GABRR3: variants seen among roughly 807,000 people sequenced by gnomAD.
GABRR3 encodes gamma-aminobutyric acid type A receptor subunit rho3.
A neutral mutation model predicts 43.2 loss-of-function variants in GABRR3; 29 were observed. The ratio of observed to expected loss-of-function variants is 0.67; its 90% CI spans 0.50 to 0.92. The LOEUF (loss-of-function observed/expected upper bound fraction) is 0.92. GABRR3 is among the 40% of genes least tolerant of loss of function. GABRR3 has a pLI of 0.00. For missense variants in GABRR3, 576 were observed against 572.3 expected (o/e 1.01, Z -0.07); for synonymous variants, 206 against 195.9 (o/e 1.05, Z -0.43).
intron 9 of GABRR3, among the ~76,000 whole-genome samples, chr3:97,987,552 TAGAG>T (rs999533942): frequency 2.6e-5 from 4 of 152,116 alleles, no homozygotes; most frequent in South Asian, 2.1e-4. Flanking sequence ...AATGAACAAA[TAGAG>T]AGAGGCTACT....
chr3:98,008,849 T>C (rs574374405), intron 6 of GABRR3, 107 bp downstream of exon 6: 25 of 429,840 alleles, frequency 5.8e-5, no homozygotes, highest in African/African-American at 5.3e-4. Context: ...TTTGGATAAA[T>C]ATATCAGTAT....
intron 2 of GABRR3, among the ~76,000 whole-genome samples, chr3:98,030,001 T>C (rs542348090): frequency 1.7e-4 from 25 of 151,204 alleles, no homozygotes; most frequent in South Asian, 2.1e-4. Context: ...TGTAATTTCA[T>C]CTACTCAGGA....
rs966055847 is a variant in GABRR3 at position 98,012,747 on chromosome 3, C to T, written c.307-180G>A. On this transcript the variant is annotated intron_variant, in intron 4 of 9. Transcript: ENST00000621172. ...AAGGAGGTTATGCTTTGAGCTTCTC[C>T]TTCACATGGAGCCTAGTGAACGTTG... is the stretch of plus-strand genomic sequence containing the variant. Among the ~76,000 whole-genome samples, 8 of 152,030 alleles carry T rather than the reference C, an allele frequency of 5.3e-5. No homozygotes were observed. The East Asian group carries it at 1.5e-3, about 29-fold the overall frequency.
At chr3:97,995,005 T>G (rs1706516705) in intron 8 of GABRR3, among the ~76,000 whole-genome samples, 1 of 151,284 alleles carries the variant, frequency 6.6e-6, no homozygotes, top group East Asian at 1.9e-4. Context: ...TGAGATGGAG[T>G]TTTGCTCTTG....
chr3:98,008,633 GAA>G (rs1295605621), intron 6 of GABRR3, among the ~76,000 whole-genome samples: 1 of 152,140 alleles, frequency 6.6e-6, no homozygotes, highest in Non-Finnish European at 1.5e-5. Context: ...TCCAAATGTA[GAA>G]AGTCTGTGTC....
At chr3:98,007,423 T>C (rs1423853610) in intron 7 of GABRR3, among the ~76,000 whole-genome samples, 3 of 152,094 alleles carry the variant, frequency 2.0e-5, no homozygotes, top group Non-Finnish European at 2.9e-5. Flanking sequence ...ACTGATCACG[T>C]TGAGAAACTT....
At chr3:97,988,157 G>A (rs755197275) in intron 9 of GABRR3, among the ~76,000 whole-genome samples, 35 of 152,024 alleles carry the variant, frequency 2.3e-4, no homozygotes, top group Admixed American at 3.3e-4. Flanking sequence ...CTTGGGACCC[G>A]AAGAGTAATA....
exon 2 of GABRR3, chr3:98,034,896 T>G: frequency 6.2e-7 from 1 of 1,613,166 alleles, no homozygotes; most frequent in Non-Finnish European, 8.5e-7. Flanking sequence ...GCACCGCTGG[T>G]GTGTCATCTT....
chr3:98,017,496 G>T (rs1706885809), intron 4 of GABRR3, 159 bp downstream of exon 4: 1 of 157,566 alleles, frequency 6.3e-6, no homozygotes, highest in East Asian at 1.9e-4. Context: ...GAATGAAGAG[G>T]ATGGAAGAGA....
At chr3:98,010,220 A>G (rs911942193) in intron 5 of GABRR3, among the ~76,000 whole-genome samples, 2 of 152,236 alleles carry the variant, frequency 1.3e-5, no homozygotes, top group African/African-American at 4.8e-5. Context: ...GAAAATCAAC[A>G]GTAGAAAAGA....
intron 2 of GABRR3, among the ~76,000 whole-genome samples, chr3:98,032,939 T>C (rs1707108681): frequency 6.6e-6 from 1 of 152,188 alleles, no homozygotes; most frequent in Admixed American, 6.6e-5. Flanking sequence ...GCAAAGAACC[T>C]CACAGTATCT....
At chr3:98,002,757 A>G (rs1041343764) in intron 7 of GABRR3, among the ~76,000 whole-genome samples, 5 of 152,192 alleles carry the variant, frequency 3.3e-5, no homozygotes, top group African/African-American at 1.2e-4. Flanking sequence ...TTATTTTCAA[A>G]TAACATTATT....
At chr3:97,994,053 A>T (rs567386783) in intron 8 of GABRR3, among the ~76,000 whole-genome samples, 1 of 152,320 alleles carries the variant, frequency 6.6e-6, no homozygotes, top group South Asian at 2.1e-4. Context: ...ACTGGCTGGT[A>T]TGGTTTTATT....
At chr3:98,011,405 A>T (rs917750257) in intron 5 of GABRR3, among the ~76,000 whole-genome samples, 35 of 152,174 alleles carry the variant, frequency 2.3e-4, no homozygotes, top group South Asian at 6.2e-4. Flanking sequence ...CTCTAGGGGG[A>T]AAATCCATGT....
Position 97,993,194 on chromosome 3 carries a change from A to G in GABRR3, c.908-146T>C, listed in dbSNP as rs1165100279. 2.6e-5 allele frequency: 14 copies of G among 531,484 alleles called. 1 individual carries two copies. Among genetic ancestry groups the G allele is most frequent in the South Asian group, 8.8e-5 (2 of 22,680 alleles). 32.9% of individuals were successfully genotyped at this position (531,484 alleles called of 1,614,324 possible). ...GAAGGTGTGTGCATGTTGACCAGCTATATATCTTGAGCCTAAACAAACACT... is the reference window on the plus strand; with the variant it reads ...GAAGGTGTGTGCATGTTGACCAGCTGTATATCTTGAGCCTAAACAAACACT... On this transcript the variant is annotated intron_variant, in intron 8 of 9. Transcript: ENST00000621172.
At chr3:98,034,955 G>C in exon 2 of GABRR3, 1 of 1,612,848 alleles carries the variant, frequency 6.2e-7, no homozygotes, top group South Asian at 1.1e-5. Context: ...TCCAGATGTA[G>C]GTGAAGGAGA....
At chr3:98,010,055 C>T (rs982889363) in intron 5 of GABRR3, among the ~76,000 whole-genome samples, 15 of 152,280 alleles carry the variant, frequency 9.9e-5, no homozygotes, top group African/African-American at 3.1e-4. Flanking sequence ...CTGCTGTTGG[C>T]TGGAAGAGCT....
At chr3:98,024,358 C>A (rs1706984877) in intron 3 of GABRR3, among the ~76,000 whole-genome samples, 1 of 119,610 alleles carries the variant, frequency 8.4e-6, no homozygotes, top group Non-Finnish European at 1.6e-5. Context: ...CAGAGTGAGA[C>A]TCCGTCTCAA....
At chr3:97,985,108 A>G (rs1185642461), downstream of GABRR3, among the ~76,000 whole-genome samples, 2 of 152,206 alleles carry the variant, frequency 1.3e-5, no homozygotes, top group African/African-American at 2.4e-5. Context: ...AAAGTAATAC[A>G]CCATTTAATT....
Sources: allele counts gnomAD v4.1 joint callset (sites outside exome capture counted in the v4.1 genomes callset), GRCh38; gene constraint gnomAD v4.1.1; transcripts MANE v1.5; gene names NCBI Gene and HGNC (gene_info 2026-07-23, HGNC 2026-07-21).